CDH13: variants seen among roughly 807,000 people sequenced by gnomAD.
The protein encoded by CDH13 is cadherin-13.
A neutral mutation model predicts 63.8 loss-of-function variants in CDH13; 24 were observed. The observed-to-expected ratio is 0.38, with a 90% CI of 0.27 to 0.53. The LOEUF (loss-of-function observed/expected upper bound fraction) is 0.53, where lower values mean the gene tolerates loss of function less well. CDH13 is among the 20% of genes least tolerant of loss of function. The probability of loss-of-function intolerance (pLI) is 0.85; values close to 1 mark genes in which losing one functional copy is unlikely to be tolerated. For missense variants in CDH13, 1,049 were observed against 903.1 expected (o/e 1.16, Z -2.07); for synonymous variants, 503 against 355.3 (o/e 1.42, Z -4.67).
chr16:83,315,002 C>G (rs1352156712), intron 5 of CDH13, among the ~76,000 whole-genome samples: 2 of 152,178 alleles, frequency 1.3e-5, no homozygotes, highest in Non-Finnish European at 2.9e-5. Flanking sequence ...ATCCTGGCTC[C>G]ACCCTGTGTG....
At chr16:82,650,923 G>A (rs535412052) in intron 1 of CDH13, among the ~76,000 whole-genome samples, 2 of 152,334 alleles carry the variant, frequency 1.3e-5, no homozygotes, top group East Asian at 3.9e-4. Flanking sequence ...GGAGAGACAG[G>A]TGAAGTTGGG....
intron 1 of CDH13, among the ~76,000 whole-genome samples, chr16:82,643,681 C>G (rs1909704892): frequency 6.6e-6 from 1 of 152,166 alleles, no homozygotes; most frequent in Non-Finnish European, 1.5e-5. Context: ...TCATAGTAGC[C>G]TACCCTGGTG....
chr16:83,548,695 C>T (rs547420696), intron 7 of CDH13, among the ~76,000 whole-genome samples: 1 of 152,186 alleles, frequency 6.6e-6, no homozygotes, highest in African/African-American at 2.4e-5. Flanking sequence ...TTGTTTTCTT[C>T]CTAAATTTTC....
chr16:83,209,920 C>T (rs1406106865), intron 4 of CDH13, among the ~76,000 whole-genome samples: 2 of 152,092 alleles, frequency 1.3e-5, no homozygotes, highest in South Asian at 2.1e-4. Context: ...GATGGCCATC[C>T]AGCTAAAGAA....
intron 7 of CDH13, among the ~76,000 whole-genome samples, chr16:83,565,724 T>G (rs1386882582): frequency 6.6e-6 from 1 of 152,174 alleles, no homozygotes; most frequent in Non-Finnish European, 1.5e-5. Context: ...GGCTTATGAC[T>G]TTTCTTTTGT....
chr16:83,531,825 T>C (rs1004400620), intron 7 of CDH13, among the ~76,000 whole-genome samples: 2 of 152,170 alleles, frequency 1.3e-5, no homozygotes, highest in Admixed American at 6.5e-5. Flanking sequence ...ACTCCTGGCC[T>C]CCAAAACTGT....
intron 7 of CDH13, among the ~76,000 whole-genome samples, chr16:83,571,762 A>T (rs1172633099): frequency 1.3e-5 from 2 of 152,112 alleles, no homozygotes; most frequent in African/African-American, 4.8e-5. Context: ...CCCAAACTGC[A>T]TTTTCTTTTC....
At chr16:82,703,284 C>G (rs923899867) in intron 1 of CDH13, among the ~76,000 whole-genome samples, 28 of 152,044 alleles carry the variant, frequency 1.8e-4, no homozygotes, top group Non-Finnish European at 5.9e-5. Flanking sequence ...CCTCTCAGTG[C>G]CCTACTTATG....
At chr16:83,738,993 C>G (rs142440263) in intron 10 of CDH13, among the ~76,000 whole-genome samples, 118 of 152,278 alleles carry the variant, frequency 7.7e-4, no homozygotes, top group African/African-American at 2.7e-3. Flanking sequence ...ATTTCCTTGT[C>G]CTGATCATGG....
intron 10 of CDH13, chr16:83,725,708 A>G (rs371841000): frequency 4.6e-5 from 7 of 152,234 alleles, no homozygotes; most frequent in African/African-American, 1.7e-4. Context: ...ACTAATTTCT[A>G]ATGAGAGTTT....
intron 2 of CDH13, among the ~76,000 whole-genome samples, chr16:82,894,380 G>T (rs528783419): frequency 6.6e-6 from 1 of 152,318 alleles, no homozygotes; most frequent in South Asian, 2.1e-4. Context: ...GGTGGCTCAA[G>T]CCTGTAATCC....
intron 1 of CDH13, among the ~76,000 whole-genome samples, chr16:82,771,124 A>G (rs141511522): frequency 3.3e-5 from 5 of 152,310 alleles, no homozygotes; most frequent in Admixed American, 2.6e-4. Context: ...ATTGTTTTAT[A>G]ATTTTTTGCA....
chr16:83,177,318 A>C (rs2038168250), intron 4 of CDH13, among the ~76,000 whole-genome samples: 2 of 152,210 alleles, frequency 1.3e-5, no homozygotes, highest in Non-Finnish European at 2.9e-5. Context: ...AGTTCTTCAA[A>C]GGTAGGGACT....
intron 3 of CDH13, among the ~76,000 whole-genome samples, chr16:83,103,887 A>C (rs986709345): frequency 2.0e-5 from 3 of 152,212 alleles, no homozygotes; most frequent in Non-Finnish European, 4.4e-5. Flanking sequence ...TAAAACAGTC[A>C]AAGAGTTCAG....
chr16:82,948,173 C>T (rs572974081), intron 2 of CDH13, among the ~76,000 whole-genome samples: 1 of 152,254 alleles, frequency 6.6e-6, no homozygotes, highest in East Asian at 1.9e-4. Flanking sequence ...TCCCAAAGCA[C>T]CCGAGTAAGT....
At chr16:82,721,959 A>G (rs2032801698) in intron 1 of CDH13, among the ~76,000 whole-genome samples, 1 of 152,122 alleles carries the variant, frequency 6.6e-6, no homozygotes. Flanking sequence ...GGCGTGTCAC[A>G]TGCTTGAGTT....
chr16:83,770,475 G>C (rs568431018), intron 11 of CDH13, among the ~76,000 whole-genome samples: 1 of 152,292 alleles, frequency 6.6e-6, no homozygotes, highest in East Asian at 1.9e-4. Flanking sequence ...GACTCCAAGA[G>C]AGAGTTCTTA....
rs548654791 is a variant in CDH13, at chr16:82,686,974, C to A, written c.45+59837C>A. Among the ~76,000 whole-genome samples the A allele has an allele frequency of 1.7e-3, 258 of 152,286 alleles. 1 individual carries two copies. The highest frequency in any genetic ancestry group is 3.0e-3 in the Non-Finnish European group (204 of 68,030). ...AATGAGAGCTCAACATTTGTAAGCT[C>A]TTGCTTCGTTCAATAAAGATTGTGT... On this transcript the variant is annotated intron_variant, in intron 1 of 13. Transcript: ENST00000567109.
intron 5 of CDH13, among the ~76,000 whole-genome samples, chr16:83,301,101 A>G (rs1165913757): frequency 7.9e-6 from 1 of 126,908 alleles, no homozygotes; most frequent in Non-Finnish European, 1.5e-5. Context: ...GCACGATCTC[A>G]GCTCACTGCA....
Sources: gnomAD v4.1 joint callset for allele counts (sites outside exome capture counted in the v4.1 genomes callset) on GRCh38, gnomAD v4.1.1 for gene constraint, MANE v1.5 for transcripts, NCBI Gene and HGNC (gene_info 2026-07-23, HGNC 2026-07-21) for gene names.